The following GYPC variants were observed in gnomAD, a reference collection of about 807,000 sequenced individuals.
The protein encoded by GYPC is glycophorin C (Gerbich blood group).
GYPC carries 14 observed loss-of-function variants against 12.6 expected under a neutral mutation model. That is an observed-to-expected ratio of 1.11 (90% CI 0.74 to 1.74). The LOEUF (loss-of-function observed/expected upper bound fraction) is 1.74, where lower values mean the gene tolerates loss of function less well. GYPC is among the 40% of genes most tolerant of loss of function. The pLI is 0.00. For synonymous variants in GYPC, 78 were observed against 62.1 expected (o/e 1.26, Z -1.20); for missense variants, 225 against 172.1 (o/e 1.31, Z -1.72).
intron 1 of GYPC, among the ~76,000 whole-genome samples, chr2:126,671,639 C>T (rs1407722179): frequency 1.3e-5 from 2 of 152,244 alleles, no homozygotes; most frequent in Non-Finnish European, 2.9e-5. Context: ...GCTGACTGCC[C>T]TAGCACACAC....
intron 1 of GYPC, among the ~76,000 whole-genome samples, chr2:126,664,609 C>T (rs28387106): frequency 4.1e-4 from 63 of 152,360 alleles, no homozygotes; most frequent in African/African-American, 1.5e-3. Flanking sequence ...TATACCAGTG[C>T]AGCTATACAA....
chr2:126,695,964 C>T lies in GYPC; in HGVS notation c.209C>T (p.Ala70Val), dbSNP rs756417921. The change falls in exon 4 of 4, where the codon GCC (alanine) becomes GTC (valine). Residue 70 changes from alanine (A) to valine (V), a missense_variant. Physicochemically the swap from Ala to Val is moderately conservative, Grantham distance 64. Transcript: ENST00000259254. ...VVIAGVIAAV[A>V]IVLVSLLFVM... ...CCTGCAGGTGTGATTGCTGCTGTGG[C>T]CATCGTCCTAGTCTCCCTCCTCTTC... 1 of 1,614,008 alleles carries T rather than the reference C, an allele frequency of 6.2e-7. No individual in the cohort carries two copies. The highest frequency in any genetic ancestry group is 1.7e-5 in the Admixed American group (1 of 60,036).
At chr2:126,686,525 C>T (rs905507577) in intron 1 of GYPC, 16 of 985,306 alleles carry the variant, frequency 1.6e-5, no homozygotes, top group African/African-American at 8.7e-5. Context: ...TTAGTTGGTT[C>T]GTGGTTCCCC....
intron 1 of GYPC, among the ~76,000 whole-genome samples, chr2:126,682,455 G>T (rs1683175185): frequency 6.6e-6 from 1 of 152,140 alleles, no homozygotes; most frequent in African/African-American, 2.4e-5. Context: ...AGAAGGAATA[G>T]ATTCTCCGAG....
chr2:126,687,567 G>A (rs1468318217), intron 1 of GYPC, among the ~76,000 whole-genome samples: 3 of 152,202 alleles, frequency 2.0e-5, no homozygotes, highest in Non-Finnish European at 4.4e-5. Context: ...TCACTCCCCT[G>A]GAGTCTGTCA....
intron 1 of GYPC, among the ~76,000 whole-genome samples, chr2:126,675,464 G>A (rs187567012): frequency 3.0e-4 from 46 of 152,046 alleles, no homozygotes; most frequent in Non-Finnish European, 4.3e-4. Flanking sequence ...TTCTCAGACC[G>A]CCAGCCTCTC....
chr2:126,657,846 C>A (rs1218127784), intron 1 of GYPC: 1 of 152,330 alleles, frequency 6.6e-6, no homozygotes, highest in African/African-American at 2.4e-5. Flanking sequence ...CATTAGACTT[C>A]GGATTGATTT....
chr2:126,673,682 CCTCTT>C (rs1233173639), intron 1 of GYPC, among the ~76,000 whole-genome samples: 1 of 152,204 alleles, frequency 6.6e-6, no homozygotes, highest in East Asian at 1.9e-4. Flanking sequence ...CGTGCCAACT[CCTCTT>C]CTCAGTTCAA....
chr2:126,656,278 A>T lies in GYPC; in HGVS notation c.15A>T (p.Arg5Ser). Residue 5 changes from arginine (R) to serine (S), a missense_variant, in exon 1 of 4, where the codon AGA becomes AGT. Arg to Ser is a moderately radical substitution (Grantham distance 110). Coordinates refer to ENST00000259254, the MANE Select transcript of GYPC (RefSeq NM_002101.5). ...GACGCCCAGGAATGTGGTCGACGAG[A>T]AGCCCCAACAGCACGGCGTGGCCTC... is the stretch of plus-strand genomic sequence containing the variant. Reference protein sequence around the residue: MWSTRSPNSTAWPLS... With the variant: MWSTSSPNSTAWPLS... The T allele has an allele frequency of 4.4e-6, 7 of 1,603,676 alleles. No individual in the cohort carries two copies. The highest frequency in any genetic ancestry group is 5.9e-6 in the Non-Finnish European group (7 of 1,176,732).
chr2:126,670,911 C>T (rs1270680114), intron 1 of GYPC, among the ~76,000 whole-genome samples: 1 of 152,210 alleles, frequency 6.6e-6, no homozygotes, highest in African/African-American at 2.4e-5. Flanking sequence ...TGAATCTTTG[C>T]CATAGAGACC....
intron 2 of GYPC, among the ~76,000 whole-genome samples, chr2:126,691,397 G>C (rs1030498828): frequency 1.3e-5 from 2 of 152,054 alleles, no homozygotes; most frequent in South Asian, 2.1e-4. Context: ...ACTGCCCCTC[G>C]CACAGCCAAC....
chr2:126,688,910 T>G (rs1262919205), intron 1 of GYPC, among the ~76,000 whole-genome samples: 1 of 152,210 alleles, frequency 6.6e-6, no homozygotes, highest in African/African-American at 2.4e-5. Context: ...TGTTTTATTA[T>G]GTAGAGCCAT....
intron 1 of GYPC, among the ~76,000 whole-genome samples, chr2:126,685,316 T>C (rs1296146304): frequency 2.0e-5 from 3 of 152,062 alleles, no homozygotes; most frequent in African/African-American, 7.2e-5. Flanking sequence ...GCTGTCTGGC[T>C]CTTGAACCCC....
At chr2:126,685,134 G>A (rs1558888728) in intron 1 of GYPC, among the ~76,000 whole-genome samples, 1 of 152,188 alleles carries the variant, frequency 6.6e-6, no homozygotes, top group South Asian at 2.1e-4. Flanking sequence ...GCAAGTAAAC[G>A]CATTTGACCT....
intron 1 of GYPC, among the ~76,000 whole-genome samples, chr2:126,689,930 A>G (rs1254337188): frequency 1.3e-5 from 2 of 152,242 alleles, no homozygotes; most frequent in Non-Finnish European, 2.9e-5. Flanking sequence ...CCCTGCCTTC[A>G]TACACAGCAC....
intron 2 of GYPC, among the ~76,000 whole-genome samples, chr2:126,690,549 C>CATATGT (rs2104805841): frequency 6.6e-6 from 1 of 152,176 alleles, no homozygotes; most frequent in East Asian, 1.9e-4. Flanking sequence ...ATAGGTATGT[C>CATATGT]ATATGTATCT....
chr2:126,687,639 G>A (rs975322295), intron 1 of GYPC, among the ~76,000 whole-genome samples: 1 of 152,212 alleles, frequency 6.6e-6, no homozygotes, highest in Non-Finnish European at 1.5e-5. Flanking sequence ...CATGGAGAGA[G>A]TAGTTCCAGC....
chr2:126,688,347 T>C (rs1479935181), intron 1 of GYPC, among the ~76,000 whole-genome samples: 1 of 152,226 alleles, frequency 6.6e-6, no homozygotes, highest in African/African-American at 2.4e-5. Flanking sequence ...TTGAGGTGCA[T>C]AGTGGTTAGA....
At chr2:126,670,288 G>A (rs1682811224) in intron 1 of GYPC, among the ~76,000 whole-genome samples, 1 of 152,206 alleles carries the variant, frequency 6.6e-6, no homozygotes, top group Admixed American at 6.5e-5. Context: ...GGGACACCCC[G>A]ATTCCACCCT....
Sources: allele counts gnomAD v4.1 joint callset (sites outside exome capture counted in the v4.1 genomes callset), GRCh38; gene constraint gnomAD v4.1.1; transcripts MANE v1.5; gene names NCBI Gene and HGNC (gene_info 2026-07-23, HGNC 2026-07-21).